PTK2: variants seen among roughly 807,000 people sequenced by gnomAD.
PTK2 encodes the protein focal adhesion kinase 1.
Under a neutral mutation model 150.1 loss-of-function variants are expected in PTK2, and 45 were observed. That is an observed-to-expected ratio of 0.30 (90% CI 0.24 to 0.38). The LOEUF is 0.38. Among genes scored for constraint, PTK2 ranks in the 10% least tolerant of loss-of-function variants. The probability of loss-of-function intolerance (pLI) is 1.00; values close to 1 mark genes in which losing one functional copy is unlikely to be tolerated. For missense variants in PTK2, 919 were observed against 1,307.3 expected (o/e 0.70, Z 4.58); for synonymous variants, 432 against 449.2 (o/e 0.96, Z 0.48).
intron 26 of PTK2, among the ~76,000 whole-genome samples, chr8:140,697,416 T>TTGTGTGTGTGTGTGTGTGTGTGTGTG (rs34459077): frequency 2.0e-4 from 29 of 145,816 alleles, no homozygotes; most frequent in African/African-American, 6.6e-4. Context: ...AGAATACGGT[T>TTGTGTGTGTGTGTGTGTGTGTGTGTG]TGTGTGTGTG....
At chr8:140,784,791 A>G (rs73371832) in intron 14 of PTK2, among the ~76,000 whole-genome samples, 2 of 152,184 alleles carry the variant, frequency 1.3e-5, no homozygotes, top group Non-Finnish European at 2.9e-5. Context: ...GTTCTGTTAG[A>G]TATTTTTATA....
chr8:140,689,595 G>C (rs1183001939), intron 26 of PTK2, among the ~76,000 whole-genome samples: 1 of 152,196 alleles, frequency 6.6e-6, no homozygotes, highest in South Asian at 2.1e-4. Context: ...GGTTATTTAA[G>C]AGAACATCCT....
At chr8:140,664,384 G>A (rs2086441591) in intron 31 of PTK2, among the ~76,000 whole-genome samples, 1 of 152,090 alleles carries the variant, frequency 6.6e-6, no homozygotes, top group African/African-American at 2.4e-5. Context: ...CTCCTGCCTT[G>A]GCCTCCCAAT....
chr8:140,816,345 CA>C (rs945511886), intron 10 of PTK2, among the ~76,000 whole-genome samples: 3 of 150,736 alleles, frequency 2.0e-5, no homozygotes, highest in Admixed American at 1.3e-4. Flanking sequence ...AACACAATAT[CA>C]AAAAAAAAGC....
Position 140,715,155 on chromosome 8 carries a change from GTTTTTTTTTTTTTTTTTTT to G in PTK2, c.2142+2424_2142+2442del, listed in dbSNP as rs67306225. On this transcript the variant is annotated intron_variant, in intron 23 of 31. Coordinates refer to ENST00000522684, the Ensembl canonical transcript of PTK2. ...AGATGATTTTCTAGCCATTAAAACC[GTTTTTTTTTTTTTTTTTTT>G]TTTTTTTTTTTTTTTTTTGAGAGAG... Among the ~76,000 whole-genome samples, 120 of 56,016 alleles carry G rather than the reference GTTTTTTTTTTTTTTTTTTT, an allele frequency of 2.1e-3. 1 individual carries two copies. The highest frequency in any genetic ancestry group is 0.023 in the Middle Eastern group (2 of 86). The allele number at this position is 56,016 out of a possible 152,430, so 36.7% of individuals were successfully genotyped here. A position where few individuals can be genotyped will look rare whatever the true frequency, so the allele number is the denominator to read the frequency against.
intron 14 of PTK2, among the ~76,000 whole-genome samples, chr8:140,777,293 T>C (rs1413662161): frequency 6.6e-6 from 1 of 152,136 alleles, no homozygotes; most frequent in Non-Finnish European, 1.5e-5. Flanking sequence ...AAGCTTACAA[T>C]CATGGCAGAA....
intron 3 of PTK2, 83 bp from the exon 4 acceptor site, chr8:140,879,720 AAAAC>A: frequency 1.9e-5 from 22 of 1,131,322 alleles, no homozygotes; most frequent in Admixed American, 3.1e-5. Flanking sequence ...AAACAAAAAC[AAAAC>A]AAAAAAAAAA....
chr8:140,891,589 C>A (rs1259424905), intron 2 of PTK2, among the ~76,000 whole-genome samples: 1 of 152,100 alleles, frequency 6.6e-6, no homozygotes, highest in Non-Finnish European at 1.5e-5. Flanking sequence ...CCCTTCAGAG[C>A]CTGAAGAGAC....
At chr8:140,673,787 T>G (rs1428456642) in intron 29 of PTK2, among the ~76,000 whole-genome samples, 1 of 152,164 alleles carries the variant, frequency 6.6e-6, no homozygotes, top group East Asian at 1.9e-4. Flanking sequence ...CTTGTGGTTG[T>G]TTGTGCCTGA....
At chr8:140,776,360 T>C (rs1223726486) in intron 14 of PTK2, among the ~76,000 whole-genome samples, 2 of 152,264 alleles carry the variant, frequency 1.3e-5, no homozygotes, top group African/African-American at 4.8e-5. Context: ...CTGTCTGTTC[T>C]TTTTTCCTTT....
intron 7 of PTK2, among the ~76,000 whole-genome samples, chr8:140,830,924 C>T (rs1223047755): frequency 6.6e-6 from 1 of 151,944 alleles, no homozygotes; most frequent in Non-Finnish European, 1.5e-5. Flanking sequence ...AATAGCTAGC[C>T]TGATTAGTAA....
chr8:140,936,557 T>A (rs377118928), intron 1 of PTK2, among the ~76,000 whole-genome samples: 2 of 151,988 alleles, frequency 1.3e-5, no homozygotes, highest in Non-Finnish European at 2.9e-5. Context: ...GGGGCATCTT[T>A]AGTTGCCCTA....
chr8:140,681,905 C>T (rs9324533), intron 27 of PTK2, among the ~76,000 whole-genome samples: 58,761 of 152,086 alleles, frequency 0.39, 12,697 homozygotes, highest in Non-Finnish European at 0.49. Context: ...AAAAATCAGA[C>T]ACTGGCGATG....
intron 7 of PTK2, among the ~76,000 whole-genome samples, chr8:140,836,763 C>T (rs146357950): frequency 4.5e-4 from 68 of 152,130 alleles, no homozygotes; most frequent in African/African-American, 1.6e-3. Context: ...ATACATTCCC[C>T]GCACAACAGA....
chr8:140,934,847 A>G (rs759906815), intron 1 of PTK2, among the ~76,000 whole-genome samples: 1 of 152,126 alleles, frequency 6.6e-6, no homozygotes, highest in Non-Finnish European at 1.5e-5. Flanking sequence ...ACAACTCTCT[A>G]TTGATCTCTC....
intron 14 of PTK2, among the ~76,000 whole-genome samples, chr8:140,785,952 T>A (rs1019564205): frequency 6.6e-6 from 1 of 152,226 alleles, no homozygotes; most frequent in African/African-American, 2.4e-5. Context: ...TTTAAATAAC[T>A]TTCCTGTTGC....
intron 2 of PTK2, among the ~76,000 whole-genome samples, chr8:140,910,408 C>T (rs1397165549): frequency 6.6e-6 from 1 of 151,898 alleles, no homozygotes; most frequent in East Asian, 1.9e-4. Flanking sequence ...AAACTTCGTA[C>T]ATAATTTTAA....
intron 22 of PTK2, 136 bp from the exon 26 acceptor site, chr8:140,717,845 AAAG>A (rs2100040667): frequency 2.0e-5 from 13 of 640,746 alleles, no homozygotes; most frequent in South Asian, 7.5e-5. Flanking sequence ...TACACAGGGG[AAAG>A]AAGGATCAGG....
At chr8:140,711,849 T>C (rs1196894058) in intron 23 of PTK2, among the ~76,000 whole-genome samples, 1 of 152,232 alleles carries the variant, frequency 6.6e-6, no homozygotes, top group Non-Finnish European at 1.5e-5. Context: ...TTCTCCTGTA[T>C]AGTTAGGTCT....
Sources: allele counts gnomAD v4.1 joint callset (sites outside exome capture counted in the v4.1 genomes callset), GRCh38; gene constraint gnomAD v4.1.1; transcripts MANE v1.5; gene names NCBI Gene and HGNC (gene_info 2026-07-23, HGNC 2026-07-21).